TRIM26: variants seen among roughly 807,000 people sequenced by gnomAD.
The protein encoded by TRIM26 is tripartite motif containing 26.
TRIM26 carries 16 observed loss-of-function variants against 45.5 expected under a neutral mutation model. The ratio of observed to expected loss-of-function variants is 0.35; its 90% CI spans 0.24 to 0.53. The LOEUF (loss-of-function observed/expected upper bound fraction) is 0.53, where lower values mean the gene tolerates loss of function less well. TRIM26 is among the 20% of genes least tolerant of loss of function. The probability of loss-of-function intolerance (pLI) is 0.92; values close to 1 mark genes in which losing one functional copy is unlikely to be tolerated. For synonymous variants in TRIM26, 273 were observed against 290.4 expected (o/e 0.94, Z 0.61); for missense variants, 442 against 691.1 (o/e 0.64, Z 4.04).
intron 6 of TRIM26, among the ~76,000 whole-genome samples, chr6:30,191,404 TAA>T (rs5875241): frequency 0.22 from 28,464 of 127,032 alleles, 3,034 homozygotes; most frequent in Non-Finnish European, 0.25. Flanking sequence ...TCAGAACAGT[TAA>T]AAAAAAAAAA....
Position 30,185,405 on chromosome 6 carries a change from G to A in TRIM26, c.*471C>T, listed in dbSNP as rs1357275128. ...GTATGCTTAACTCTGAGTTGGGGTG[G>A]GGTAGGTCTGTTTAAAATGCCAGGG... On this transcript the variant is annotated 3_prime_UTR_variant, in exon 10 of 10. Coordinates refer to ENST00000454678, the MANE Select transcript of TRIM26 (RefSeq NM_003449.5). The surrounding 1 kb of genome is among the most constrained non-coding windows in gnomAD (Gnocchi z 5.7). 1 of 167,994 alleles carries A rather than the reference G, an allele frequency of 6.0e-6. No homozygotes were observed. Among genetic ancestry groups the A allele is most frequent in the Non-Finnish European group, 1.3e-5 (1 of 79,418 alleles). 10.4% of individuals were successfully genotyped at this position (167,994 alleles called of 1,614,324 possible). A position where few individuals can be genotyped will look rare whatever the true frequency, so the allele number is the denominator to read the frequency against.
At chr6:30,193,372 G>C (rs1776150011) in intron 6 of TRIM26, among the ~76,000 whole-genome samples, 1 of 150,308 alleles carries the variant, frequency 6.7e-6, no homozygotes, top group Admixed American at 6.6e-5. Context: ...AGTAGAGATG[G>C]GGTTTCACCA....
At chr6:30,194,295 T>C (rs1776242269) in intron 6 of TRIM26, among the ~76,000 whole-genome samples, 1 of 151,010 alleles carries the variant, frequency 6.6e-6, no homozygotes, top group South Asian at 2.1e-4. Flanking sequence ...AGAATAGTAA[T>C]GATTAGAGGT....
At chr6:30,200,603 C>T (rs1480367226) in intron 3 of TRIM26, among the ~76,000 whole-genome samples, 1 of 152,120 alleles carries the variant, frequency 6.6e-6, no homozygotes, top group Non-Finnish European at 1.5e-5. Flanking sequence ...GTACAGGGAG[C>T]GGGGACACAC....
rs2127502888 is a variant in TRIM26, at chr6:30,196,192, C to T, written c.765+324G>A. On this transcript the variant is annotated intron_variant, in intron 6 of 9. Coordinates refer to ENST00000454678, the MANE Select transcript of TRIM26 (RefSeq NM_003449.5). The surrounding 1 kb of genome is among the most constrained non-coding windows in gnomAD (Gnocchi z 4.9). Reference sequence around the variant, plus strand: ...CCAGCTGCTAAGTGTCTGCCAATGACTTGTTAAGAGGGCTTGTGATGGCAG... The same window carrying T: ...CCAGCTGCTAAGTGTCTGCCAATGATTTGTTAAGAGGGCTTGTGATGGCAG... 6.6e-6 allele frequency among the ~76,000 whole-genome samples: 1 copy of T among 152,294 alleles called. No homozygotes were observed. The highest frequency in any genetic ancestry group is 1.5e-5 in the Non-Finnish European group (1 of 68,038).
chr6:30,186,334 C>T lies in TRIM26; in HGVS notation c.1162G>A (p.Glu388Lys). 1.2e-6 allele frequency: 2 copies of T among 1,612,298 alleles called. No homozygotes were observed. Among genetic ancestry groups the T allele is most frequent in the Non-Finnish European group, 1.7e-6 (2 of 1,179,290 alleles). ...GWSEDEEEGDEEEEGEEEEEE... is the reference protein window; with the variant it reads ...GWSEDEEEGDKEEEGEEEEEE... ...TCCTCCTCTTCTCCCTCTTCCTCCT[C>T]ATCCCCCTCTTCTTCATCCTCAGAC... is the stretch of plus-strand genomic sequence containing the variant. The change falls in exon 10 of 10, where the codon GAG becomes AAG. Residue 388 changes from glutamate to lysine, a missense_variant. Transcript: ENST00000454678. The surrounding 1 kb of genome is among the most constrained non-coding windows in gnomAD (Gnocchi z 7.4).
At position 30,186,110 on chromosome 6, in the gene TRIM26, C is replaced by A; in HGVS notation, c.1386G>T (p.Ala462=). 1.9e-6 allele frequency: 3 copies of A among 1,587,858 alleles called. No individual in the cohort carries two copies. The highest frequency in any genetic ancestry group is 2.6e-6 in the Non-Finnish European group (3 of 1,166,896). ...AGATGCCGGAGGAGGAGAGGCGCAG[C>A]GCCCACACGCCATCCTCTGGCCGCA... ...LSLRPEDGVW[A]LRLSSSGIWA... is the part of the protein sequence containing the mutation. The change falls in exon 10 of 10, where the codon GCG becomes GCT. Residue 462 remains alanine (A), a synonymous_variant. Coordinates refer to ENST00000454678, the MANE Select transcript of TRIM26 (RefSeq NM_003449.5). This position sits in a 1 kb window ranked among gnomAD's most constrained non-coding sequence, Gnocchi z 7.4.
At position 30,198,584 on chromosome 6, in the gene TRIM26, C is replaced by G; in HGVS notation, c.439-60G>C. ...CTCTGGGCTGGGGCAGGAAGGGAGA[C>G]TCAGGCTGAGTCCTCTGAGGACTGC... is the stretch of plus-strand genomic sequence containing the variant. On this transcript the variant is annotated intron_variant, in intron 4 of 9. Coordinates refer to ENST00000454678, the MANE Select transcript of TRIM26 (RefSeq NM_003449.5). The surrounding 1 kb of genome is among the most constrained non-coding windows in gnomAD (Gnocchi z 6.3). The G allele has an allele frequency of 6.2e-7, 1 of 1,612,056 alleles. No homozygotes were observed. The highest frequency in any genetic ancestry group is 8.5e-7 in the Non-Finnish European group (1 of 1,179,546).
At chr6:30,188,567 T>A (rs1775464593) in intron 9 of TRIM26, 2 of 238,838 alleles carry the variant, frequency 8.4e-6, no homozygotes, top group Non-Finnish European at 1.7e-5. Context: ...TGGGATTTTA[T>A]CCTGTGAACT....
Position 30,196,426 on chromosome 6 carries a change from C to T in TRIM26, c.765+90G>A. The T allele has an allele frequency of 2.3e-6, 3 of 1,287,164 alleles. No individual in the cohort carries two copies. Among genetic ancestry groups the T allele is most frequent in the Non-Finnish European group, 3.2e-6 (3 of 927,540 alleles). The allele number at this position is 1,287,164 out of a possible 1,614,324, so 79.7% of individuals were successfully genotyped here. ...CATGTTTCAGATGACAAAACTGAGC[C>T]CCCAAGTCTTCTAAGGTCCTGCAAG... On this transcript the variant is annotated intron_variant, in intron 6 of 9. Transcript: ENST00000454678. The surrounding 1 kb of genome is among the most constrained non-coding windows in gnomAD (Gnocchi z 4.9).
Position 30,190,102 on chromosome 6 carries a change from C to T in TRIM26, c.766-67G>A. ...AATAAGACTTCAATGCATCTGCACC[C>T]AACACTGTAGCAGAGATGGGACATA... On this transcript the variant is annotated intron_variant, in intron 6 of 9. Transcript: ENST00000454678. The surrounding 1 kb of genome is among the most constrained non-coding windows in gnomAD (Gnocchi z 4.3). 6.5e-7 allele frequency: 1 copy of T among 1,546,512 alleles called. No individual in the cohort carries two copies. The highest frequency in any genetic ancestry group is 8.9e-7 in the Non-Finnish European group (1 of 1,122,298).
rs1273429342 is a variant in TRIM26, at chr6:30,196,437, C to A, written c.765+79G>T. ...TGACAAAACTGAGCCCCCAAGTCTT[C>A]TAAGGTCCTGCAAGTGAATGGCAGG... is the stretch of plus-strand genomic sequence containing the variant. On this transcript the variant is annotated intron_variant, in intron 6 of 9. Coordinates refer to ENST00000454678, the MANE Select transcript of TRIM26 (RefSeq NM_003449.5). The surrounding 1 kb of genome is among the most constrained non-coding windows in gnomAD (Gnocchi z 4.9). The A allele has an allele frequency of 2.8e-6, 4 of 1,434,460 alleles. No individual in the cohort carries two copies. The highest frequency in any genetic ancestry group is 2.9e-6 in the Non-Finnish European group (3 of 1,050,572). The allele number at this position is 1,434,460 out of a possible 1,614,324, so 88.9% of individuals were successfully genotyped here.
At chr6:30,188,552 T>C in intron 9 of TRIM26, 1 of 243,936 alleles carries the variant, frequency 4.1e-6, no homozygotes. Flanking sequence ...AACTCAGTTC[T>C]GCTATGGGAT....
At chr6:30,201,603 T>G (rs1777177232) in intron 2 of TRIM26, among the ~76,000 whole-genome samples, 2 of 152,110 alleles carry the variant, frequency 1.3e-5, no homozygotes, top group Non-Finnish European at 2.9e-5. Flanking sequence ...CCCAACACTT[T>G]GGGAGGCCGA....
At chr6:30,195,808 G>A (rs1265376391) in intron 6 of TRIM26, among the ~76,000 whole-genome samples, 1 of 152,208 alleles carries the variant, frequency 6.6e-6, no homozygotes, top group Non-Finnish European at 1.5e-5. Context: ...AGAGCAGGAA[G>A]GTTGAGCCCT....
chr6:30,199,641 G>GT (rs376808494), intron 3 of TRIM26, among the ~76,000 whole-genome samples: 223 of 140,294 alleles, frequency 1.6e-3, no homozygotes, highest in East Asian at 2.1e-3. Flanking sequence ...TTTTTTTTTG[G>GT]TTTTTTTTTT....
chr6:30,196,753 G>A lies in TRIM26; in HGVS notation c.535-7C>T, dbSNP rs1005952232. On this transcript the variant is annotated splice_polypyrimidine_tract_variant and splice_region_variant and intron_variant, in intron 5 of 9. Coordinates refer to ENST00000454678, the MANE Select transcript of TRIM26 (RefSeq NM_003449.5). The surrounding 1 kb of genome is among the most constrained non-coding windows in gnomAD (Gnocchi z 4.9). ...TCTGGTCCTGGAGCTTCTTCTGCAG[G>A]GGGCAGGAAGGGGAGAAGGGCTGAC... is the stretch of plus-strand genomic sequence containing the variant. 3.1e-6 allele frequency: 5 copies of A among 1,613,788 alleles called. No individual in the cohort carries two copies. In the African/African-American group the frequency reaches 5.3e-5, roughly 17 times the overall value.
chr6:30,200,130 A>T lies in TRIM26; in HGVS notation c.-161-866T>A, dbSNP rs6923841. Among the ~76,000 whole-genome samples, 1,167 of 152,208 alleles carry T rather than the reference A, an allele frequency of 7.7e-3. 9 individuals are homozygous for T. Among genetic ancestry groups the T allele is most frequent in the Middle Eastern group, 0.027 (8 of 294 alleles). ...AACTAAAAAAATTTAAAAATTTTTT[A>T]AAATACCCCAGTGTAGTAGCATGCA... On this transcript the variant is annotated intron_variant, in intron 3 of 9. Coordinates refer to ENST00000454678, the MANE Select transcript of TRIM26 (RefSeq NM_003449.5).
rs1334460896 is a variant in TRIM26 at position 30,198,708 on chromosome 6, G to A, written c.396C>T (p.Pro132=). Reference sequence around the variant, plus strand: ...CCTTCTCCATGAGGACGGCCGTGTGGGGCCTGTGCTCCCGGGACTCCCGGC... The same window carrying A: ...CCTTCTCCATGAGGACGGCCGTGTGAGGCCTGTGCTCCCGGGACTCCCGGC... ...VMCRESREHR[P]HTAVLMEKAA... Residue 132 remains proline, a synonymous_variant, in exon 4 of 10, where the codon CCC becomes CCT. Transcript: ENST00000454678. This position sits in a 1 kb window ranked among gnomAD's most constrained non-coding sequence, Gnocchi z 6.3. The A allele has an allele frequency of 1.9e-6, 3 of 1,605,122 alleles. No individual in the cohort carries two copies. The highest frequency in any genetic ancestry group is 1.7e-6 in the Non-Finnish European group (2 of 1,179,792).
Sources: allele counts gnomAD v4.1 joint callset (sites outside exome capture counted in the v4.1 genomes callset), GRCh38; gene constraint gnomAD v4.1.1; non-coding constraint Gnocchi (gnomAD v3.1); transcripts MANE v1.5; gene names NCBI Gene and HGNC (gene_info 2026-07-23, HGNC 2026-07-21).